Variants in ZNF469 observed in about 807,000 individuals in gnomAD.
The protein encoded by ZNF469 is zinc finger protein 469.
In ZNF469, 1 loss-of-function variant was observed where a neutral mutation model predicts 1.0. The ratio of observed to expected loss-of-function variants is 1.00; its 90% confidence interval spans 0.35 to 4.73. ZNF469 has a LOEUF of 4.73. Among genes scored for constraint, ZNF469 ranks in the 30% most tolerant of loss-of-function variants. ZNF469 has a pLI of 0.16. For synonymous variants in ZNF469, 2,703 were observed against 2,363.4 expected, an observed-to-expected ratio of 1.14 and a Z score of -4.17; for missense variants, 6,100 against 5,356.3, an observed-to-expected ratio of 1.14 and a Z score of -4.33.
the ZNF469 span, among the ~76,000 whole-genome samples, chr16:88,205,652 G>C: frequency 6.6e-6 from 1 of 152,206 alleles, no homozygotes; most frequent in South Asian, 2.1e-4. This position sits in a 1 kb window ranked among gnomAD's most constrained non-coding sequence, Gnocchi z 4.2. Context: ...CAGCAGCACA[G>C]TACAAGGCAC....
the ZNF469 span, among the ~76,000 whole-genome samples, chr16:88,337,367 T>C: frequency 6.6e-6 from 1 of 152,342 alleles, no homozygotes; most frequent in South Asian, 2.1e-4. Context: ...CCATGTAAGA[T>C]GTCCCTTGCT....
At chr16:88,356,532 G>A in the ZNF469 span, among the ~76,000 whole-genome samples, 4 of 151,954 alleles carry the variant, frequency 2.6e-5, no homozygotes, top group African/African-American at 9.7e-5. Context: ...ATTGCCGTGT[G>A]CCTGTGTGTG....
chr16:88,197,246 G>A, the ZNF469 span, among the ~76,000 whole-genome samples: 1 of 152,178 alleles, frequency 6.6e-6, no homozygotes, highest in African/African-American at 2.4e-5. Flanking sequence ...AAGCACAGGT[G>A]CAAAGGAAGA....
At chr16:88,331,033 CCACCATCAT>C in the ZNF469 span, among the ~76,000 whole-genome samples, 4 of 127,836 alleles carry the variant, frequency 3.1e-5, no homozygotes, top group East Asian at 2.2e-4. Context: ...ATCACTATTA[CCACCATCAT>C]CACCATCATC....
the ZNF469 span, among the ~76,000 whole-genome samples, chr16:88,335,568 C>T: frequency 6.6e-6 from 1 of 152,240 alleles, no homozygotes; most frequent in Admixed American, 6.5e-5. Context: ...TCTGATGACC[C>T]AGCCACAGGG....
upstream of ZNF469, among the ~76,000 whole-genome samples, chr16:88,380,373 A>G (rs1341386323): frequency 1.8e-5 from 2 of 111,432 alleles, no homozygotes; most frequent in Non-Finnish European, 3.2e-5. Flanking sequence ...ACAGACATGC[A>G]CTCACACGCA....
chr16:88,408,239 G>C (rs61363358), intron 1 of ZNF469, among the ~76,000 whole-genome samples: 2,365 of 152,298 alleles, frequency 0.016, 56 homozygotes, highest in African/African-American at 0.054. Context: ...TACAACCTCT[G>C]CCTCCCAGGT....
intron 1 of ZNF469, among the ~76,000 whole-genome samples, chr16:88,415,175 A>C (rs1190170706): frequency 6.6e-6 from 1 of 152,186 alleles, no homozygotes; most frequent in East Asian, 1.9e-4. Context: ...TTCATGAGGC[A>C]GTGCTGGCCC....
At chr16:88,199,452 G>A in the ZNF469 span, among the ~76,000 whole-genome samples, 14 of 152,316 alleles carry the variant, frequency 9.2e-5, no homozygotes, top group Middle Eastern at 6.8e-3. Flanking sequence ...AGCAGCCAGC[G>A]GGAAGGAATC....
At chr16:88,293,682 CT>C in the ZNF469 span, among the ~76,000 whole-genome samples, 2 of 152,146 alleles carry the variant, frequency 1.3e-5, no homozygotes, top group Non-Finnish European at 2.9e-5. Context: ...TGTATTTTCC[CT>C]CTTAACCTTA....
chr16:88,124,573 TTCTG>T, the ZNF469 span, among the ~76,000 whole-genome samples: 190 of 97,306 alleles, frequency 2.0e-3, 1 homozygote, highest in African/African-American at 5.9e-3. Flanking sequence ...TAGAAGTGTT[TTCTG>T]TTTGTTTGTT....
At chr16:88,204,682 A>G in the ZNF469 span, among the ~76,000 whole-genome samples, 11 of 152,340 alleles carry the variant, frequency 7.2e-5, no homozygotes, top group African/African-American at 2.6e-4. Flanking sequence ...CCACACAGCC[A>G]GGGTGGGAGG....
At chr16:88,206,158 G>A in the ZNF469 span, among the ~76,000 whole-genome samples, 65,055 of 152,124 alleles carry the variant, frequency 0.43, 15,321 homozygotes, top group South Asian at 0.55. Context: ...AGCTGTGCCC[G>A]GAGACGGCAC....
In ZNF469 at chr16:88,431,593, C is replaced by T; in HGVS notation, c.4123C>T (p.Pro1375Ser). The T allele has an allele frequency of 6.4e-7, 1 of 1,550,456 alleles. No homozygotes were observed. The highest frequency in any genetic ancestry group is 8.7e-7 in the Non-Finnish European group (1 of 1,146,994). The change falls in exon 3 of 3, where the codon CCC becomes TCC. Residue 1375 changes from proline to serine, a missense_variant. Pro to Ser is a moderately conservative substitution (Grantham distance 74). Transcript: ENST00000565624. ...GVPVAKKGPQ[P>S]YSSPHSELFL... ...TCCAGTTGCCAAAAAGGGGCCTCAGCCCTACAGCAGCCCCCACAGTGAGTT... is the reference window on the plus strand; with the variant it reads ...TCCAGTTGCCAAAAAGGGGCCTCAGTCCTACAGCAGCCCCCACAGTGAGTT...
Position 88,434,915 on chromosome 16 carries a change from G to A in ZNF469, c.7445G>A (p.Arg2482His), listed in dbSNP as rs757300563. Residue 2482 changes from arginine (R) to histidine (H), a missense_variant, in exon 3 of 3, where the codon CGC becomes CAC. Arg to His is a conservative substitution (Grantham distance 29). Transcript: ENST00000565624. ...TGTGAGGTCTGCGCAGCCTCCTTCC[G>A]CTCCGGGCCGGGCCTGAGCCGGCAC... ...VTCEVCAASFRSGPGLSRHKA... is the reference protein window; with the variant it reads ...VTCEVCAASFHSGPGLSRHKA... 1.8e-5 allele frequency: 28 copies of A among 1,550,070 alleles called. No homozygotes were observed. The highest frequency in any genetic ancestry group is 3.6e-5 in the South Asian group (3 of 84,070).
chr16:88,327,340 C>G, the ZNF469 span, among the ~76,000 whole-genome samples: 10 of 152,252 alleles, frequency 6.6e-5, no homozygotes, highest in African/African-American at 2.4e-4. Flanking sequence ...CCTCGCCTCT[C>G]CTTTGTGCAG....
chr16:88,285,345 A>T, the ZNF469 span, among the ~76,000 whole-genome samples: 1 of 152,214 alleles, frequency 6.6e-6, no homozygotes, highest in South Asian at 2.1e-4. Flanking sequence ...GCGGTCTCTA[A>T]CCCTCGGCAT....
chr16:88,418,757 C>A lies in ZNF469; in HGVS notation c.-191-6050C>A, dbSNP rs139369997. ...AATTTGCGCCGTATTCTTAAACTTA[C>A]CCTCCGGGCCATATCTCAGATATAA... is the stretch of plus-strand genomic sequence containing the variant. On this transcript the variant is annotated intron_variant, in intron 1 of 2. Coordinates refer to ENST00000565624, the MANE Select transcript of ZNF469 (RefSeq NM_001367624.2). Among the ~76,000 whole-genome samples, 248 of 152,338 alleles carry A rather than the reference C, an allele frequency of 1.6e-3. 2 individuals carry two copies. The highest frequency in any genetic ancestry group is 5.6e-3 in the African/African-American group (234 of 41,578).
chr16:88,102,025 C>T, the ZNF469 span, among the ~76,000 whole-genome samples: 1,134 of 151,996 alleles, frequency 7.5e-3, 14 homozygotes, highest in African/African-American at 0.025. Context: ...CTGAGCTTAG[C>T]GACAGGCCGG....
Sources: allele counts gnomAD v4.1 joint callset (sites outside exome capture counted in the v4.1 genomes callset), GRCh38; gene constraint gnomAD v4.1.1; non-coding constraint Gnocchi (gnomAD v3.1); transcripts MANE v1.5; gene names NCBI Gene and HGNC (gene_info 2026-07-23, HGNC 2026-07-21).